Variants in SLC9A9 observed in about 807,000 individuals in gnomAD.
SLC9A9 encodes solute carrier family 9 member A9.
Under a neutral mutation model 77.8 loss-of-function variants are expected in SLC9A9, and 62 were observed. The observed-to-expected ratio is 0.80, with a 90% CI of 0.65 to 0.98. SLC9A9 has a LOEUF of 0.98. SLC9A9 is among the 50% of genes least tolerant of loss of function. The probability of loss-of-function intolerance (pLI) is 0.00; values close to 1 mark genes in which losing one functional copy is unlikely to be tolerated. For missense variants in SLC9A9, 775 were observed against 774.9 expected, an observed-to-expected ratio of 1.00 and a Z score of 0.00; for synonymous variants, 320 against 283.5, an observed-to-expected ratio of 1.13 and a Z score of -1.29.
At position 143,621,709 on chromosome 3, in the gene SLC9A9, T is replaced by A. The variant is rs187584388; in HGVS notation, c.755+30546A>T. On this transcript the variant is annotated intron_variant, in intron 6 of 15. Coordinates refer to ENST00000316549, the MANE Select transcript of SLC9A9 (RefSeq NM_173653.4). The stretch of plus-strand genomic sequence containing the variant: ...TGGAAACTCTAAAAATCAGAGTGCC[T>A]CTCCTCCTCCAAAGGAACTCAGCTC... 1.2e-4 allele frequency among the ~76,000 whole-genome samples: 18 copies of A among 152,054 alleles called. No individual in the cohort carries two copies. The East Asian group carries it at 3.5e-3, about 29-fold the overall frequency.
At chr3:143,415,839 C>A (rs558506540) in intron 12 of SLC9A9, among the ~76,000 whole-genome samples, 24 of 152,284 alleles carry the variant, frequency 1.6e-4, no homozygotes, top group African/African-American at 5.8e-4. Context: ...ATTGAAGATT[C>A]CTCTATCTCT....
At chr3:143,797,003 T>C (rs1033476929) in intron 2 of SLC9A9, 100 bp from the exon 3 acceptor site, 1 of 898,570 alleles carries the variant, frequency 1.1e-6, no homozygotes, top group African/African-American at 1.7e-5. Flanking sequence ...GCTAAGCCTT[T>C]GTGAGGCATA....
intron 6 of SLC9A9, chr3:143,627,319 A>G (rs1181082924): frequency 1.9e-5 from 4 of 205,568 alleles, no homozygotes; most frequent in South Asian, 1.9e-4. Context: ...ACAGAGTGCT[A>G]TGATGAACTG....
Position 143,576,921 on chromosome 3 carries a change from A to G in SLC9A9, c.894+1664T>C, listed in dbSNP as rs115517804. Among the ~76,000 whole-genome samples, 605 of 152,240 alleles carry G rather than the reference A, an allele frequency of 4.0e-3. 4 individuals carry two copies. The highest frequency in any genetic ancestry group is 0.014 in the African/African-American group (580 of 41,560). Reference sequence around the variant, plus strand: ...CATTTTACAAGGTTCTCAGGATGAAACTTTGGAGTAGCCTTTGACTGTCTC... The same window carrying G: ...CATTTTACAAGGTTCTCAGGATGAAGCTTTGGAGTAGCCTTTGACTGTCTC... On this transcript the variant is annotated intron_variant, in intron 7 of 15. Coordinates refer to ENST00000316549, the MANE Select transcript of SLC9A9 (RefSeq NM_173653.4).
At chr3:143,517,578 T>C (rs1341094927) in intron 9 of SLC9A9, 1 of 1,597,584 alleles carries the variant, frequency 6.3e-7, no homozygotes, top group South Asian at 1.1e-5. Flanking sequence ...AGCATTGCAC[T>C]AGCATCTTCA....
intron 12 of SLC9A9, among the ~76,000 whole-genome samples, chr3:143,417,904 GT>G (rs1246602227): frequency 6.6e-6 from 1 of 151,878 alleles, no homozygotes; most frequent in East Asian, 1.9e-4. Flanking sequence ...GGATTCTGTA[GT>G]TTTTGCTTTC....
intron 6 of SLC9A9, among the ~76,000 whole-genome samples, chr3:143,625,655 A>G (rs1389147472): frequency 6.6e-6 from 1 of 152,236 alleles, no homozygotes; most frequent in Non-Finnish European, 1.5e-5. Flanking sequence ...CTAAAACCAT[A>G]AAAACCCTAG....
At chr3:143,679,225 G>A (rs1327148782) in intron 5 of SLC9A9, among the ~76,000 whole-genome samples, 1 of 152,166 alleles carries the variant, frequency 6.6e-6, no homozygotes, top group Non-Finnish European at 1.5e-5. Context: ...GCCACACAAA[G>A]CATGCACAAC....
chr3:143,425,159 G>T (rs1228169404), intron 12 of SLC9A9, among the ~76,000 whole-genome samples: 2 of 151,766 alleles, frequency 1.3e-5, no homozygotes, highest in East Asian at 1.9e-4. Context: ...CAGGTAGAGG[G>T]TTATATATAT....
At chr3:143,547,928 C>T (rs1184755287) in intron 9 of SLC9A9, among the ~76,000 whole-genome samples, 4 of 151,972 alleles carry the variant, frequency 2.6e-5, no homozygotes, top group Non-Finnish European at 5.9e-5. Flanking sequence ...CTGTTGTATC[C>T]CCGGTACCTT....
chr3:143,669,731 T>A (rs1216302216), intron 5 of SLC9A9, among the ~76,000 whole-genome samples: 1 of 152,192 alleles, frequency 6.6e-6, no homozygotes, highest in Non-Finnish European at 1.5e-5. Flanking sequence ...ACCCCAGCTG[T>A]TATGCAAATG....
At chr3:143,325,519 A>G (rs956795308) in intron 14 of SLC9A9, among the ~76,000 whole-genome samples, 1 of 152,218 alleles carries the variant, frequency 6.6e-6, no homozygotes, top group Non-Finnish European at 1.5e-5. Context: ...CTCTGACTGC[A>G]TGCTTCCAAG....
Position 143,538,713 on chromosome 3 carries a change from C to T in SLC9A9, c.1089+13649G>A, listed in dbSNP as rs147186002. On this transcript the variant is annotated intron_variant, in intron 9 of 15. Coordinates refer to ENST00000316549, the MANE Select transcript of SLC9A9 (RefSeq NM_173653.4). ...TTCTATCCCGGCCCTACGTTATAGG[C>T]CCCCATACTATAATCAGAGCAACAT... Among the ~76,000 whole-genome samples, 539 of 152,216 alleles carry T rather than the reference C, an allele frequency of 3.5e-3. 2 individuals carry two copies. The highest frequency in any genetic ancestry group is 6.3e-3 in the Non-Finnish European group (430 of 68,016).
intron 12 of SLC9A9, among the ~76,000 whole-genome samples, chr3:143,411,460 T>C (rs1229429172): frequency 6.6e-6 from 1 of 152,234 alleles, no homozygotes; most frequent in Non-Finnish European, 1.5e-5. Flanking sequence ...AAGTCTCTTT[T>C]ATTTTTCCAC....
At chr3:143,590,685 G>A (rs1212460815) in intron 6 of SLC9A9, among the ~76,000 whole-genome samples, 1 of 152,184 alleles carries the variant, frequency 6.6e-6, no homozygotes, top group Non-Finnish European at 1.5e-5. Context: ...GGTACACCGA[G>A]GTAGATATAC....
At chr3:143,743,019 T>C (rs1383000548) in intron 4 of SLC9A9, among the ~76,000 whole-genome samples, 3 of 152,068 alleles carry the variant, frequency 2.0e-5, no homozygotes, top group Non-Finnish European at 4.4e-5. Flanking sequence ...AGGACTGCTG[T>C]GGAGGGCTGT....
intron 4 of SLC9A9, among the ~76,000 whole-genome samples, chr3:143,790,709 A>G (rs2008192837): frequency 6.6e-6 from 1 of 152,222 alleles, no homozygotes; most frequent in Non-Finnish European, 1.5e-5. Flanking sequence ...TATTTACCTC[A>G]TAGGGGTAGT....
chr3:143,522,199 AACAC>A (rs2036313175), intron 9 of SLC9A9, among the ~76,000 whole-genome samples: 1 of 152,182 alleles, frequency 6.6e-6, no homozygotes. Flanking sequence ...CTCCATCTAA[AACAC>A]ACCAGTACTT....
At chr3:143,675,441 C>G (rs748318615) in intron 5 of SLC9A9, among the ~76,000 whole-genome samples, 8 of 152,130 alleles carry the variant, frequency 5.3e-5, no homozygotes, top group Non-Finnish European at 1.0e-4. Flanking sequence ...CAGGATAATC[C>G]ACAGTAAATT....
Sources: allele counts gnomAD v4.1 joint callset (sites outside exome capture counted in the v4.1 genomes callset), GRCh38; gene constraint gnomAD v4.1.1; transcripts MANE v1.5; gene names NCBI Gene and HGNC (gene_info 2026-07-23, HGNC 2026-07-21).